The following DACH1 variants were observed in gnomAD, a reference collection of about 807,000 sequenced individuals.
The protein encoded by DACH1 is dachshund family transcription factor 1.
Under a neutral mutation model 54.2 loss-of-function variants are expected in DACH1, and 12 were observed. The observed-to-expected ratio is 0.22, with a 90% confidence interval of 0.14 to 0.36. DACH1 has a LOEUF of 0.36. DACH1 is among the 10% of genes least tolerant of loss of function. The pLI is 1.00. For missense variants in DACH1, 805 were observed against 929.8 expected (o/e 0.87, Z 1.75); for synonymous variants, 386 against 366.2 (o/e 1.05, Z -0.62).
chr13:71,809,077 T>G (rs1047471328), intron 1 of DACH1, among the ~76,000 whole-genome samples: 3 of 152,346 alleles, frequency 2.0e-5, no homozygotes, highest in African/African-American at 4.8e-5. Context: ...TGGATGATTG[T>G]TACATTTTTA....
At chr13:71,774,897 T>A (rs888535431) in intron 1 of DACH1, among the ~76,000 whole-genome samples, 2 of 152,218 alleles carry the variant, frequency 1.3e-5, no homozygotes, top group African/African-American at 4.8e-5. Flanking sequence ...AAGATCATTG[T>A]TCCTAGGTCT....
intron 6 of DACH1, among the ~76,000 whole-genome samples, chr13:71,535,430 TAA>T (rs1249738362): frequency 6.6e-6 from 1 of 151,936 alleles, no homozygotes; most frequent in African/African-American, 2.4e-5. Flanking sequence ...AACTCAAAAA[TAA>T]AGAGTGATTG....
chr13:71,488,921 A>G, intron 7 of DACH1, 76 bp downstream of exon 7: 1 of 1,373,394 alleles, frequency 7.3e-7, no homozygotes, highest in Non-Finnish European at 1.0e-6. Context: ...AAGTAGGAAC[A>G]GTATAAATTT....
rs200623926 is a variant in DACH1 at position 71,557,149 on chromosome 13, T to C, written c.1445A>G (p.Gln482Arg). Residue 482 changes from glutamine (Q) to arginine (R), a missense_variant, in exon 6 of 11, where the codon CAG becomes CGG. Gln to Arg is a conservative substitution (Grantham distance 43, BLOSUM62 1). Transcript: ENST00000613252. ...CATCTGGTTCATGGACAACCCATTC[T>C]GATGGACCGCTATTATGGCCCAAAA... ...ESSSDRIPVH[Q>R]NGLSMNQMLM... 2 of 1,605,666 alleles carry C rather than the reference T, an allele frequency of 1.2e-6. No individual in the cohort carries two copies. The highest frequency in any genetic ancestry group is 1.7e-6 in the Non-Finnish European group (2 of 1,177,122).
chr13:71,609,639 C>T (rs989545196), intron 3 of DACH1, among the ~76,000 whole-genome samples: 102 of 152,132 alleles, frequency 6.7e-4, no homozygotes, highest in African/African-American at 2.4e-3. Flanking sequence ...GATTCTCCTG[C>T]CTCAGCCTCC....
At chr13:71,442,965 T>C (rs952236781) in intron 10 of DACH1, among the ~76,000 whole-genome samples, 3 of 151,118 alleles carry the variant, frequency 2.0e-5, no homozygotes, top group South Asian at 4.2e-4. Context: ...TTAGTAAATA[T>C]GTGTTAAATA....
At chr13:71,700,061 T>C (rs1352805954) in intron 1 of DACH1, among the ~76,000 whole-genome samples, 1 of 152,170 alleles carries the variant, frequency 6.6e-6, no homozygotes, top group Admixed American at 6.5e-5. Flanking sequence ...TAATTCATTC[T>C]GAAAGTCTGT....
At chr13:71,765,487 G>A (rs908212881) in intron 1 of DACH1, among the ~76,000 whole-genome samples, 2 of 152,164 alleles carry the variant, frequency 1.3e-5, no homozygotes, top group Non-Finnish European at 2.9e-5. Flanking sequence ...GGATGCTAGA[G>A]TCTTACTTAT....
chr13:71,656,317 C>G (rs1239715500), intron 2 of DACH1, among the ~76,000 whole-genome samples: 5 of 152,258 alleles, frequency 3.3e-5, no homozygotes, highest in Admixed American at 6.5e-5. Context: ...AGTATCAGAT[C>G]AAGTAACTCT....
chr13:71,825,729 G>A (rs1888352902), intron 1 of DACH1, among the ~76,000 whole-genome samples: 1 of 151,950 alleles, frequency 6.6e-6, no homozygotes, highest in Non-Finnish European at 1.5e-5. Flanking sequence ...TTGTTATTTT[G>A]TTTGGGCTAT....
intron 1 of DACH1, among the ~76,000 whole-genome samples, chr13:71,700,274 C>T (rs1464213346): frequency 6.6e-6 from 1 of 152,066 alleles, no homozygotes. Flanking sequence ...AGAGAGCAAG[C>T]TGGCCAGGCA....
rs1429134775 is a variant in DACH1, at chr13:71,866,520, CTCCGCT to C, written c.244_249del (p.Ser82_Gly83del). 1 of 1,126,426 alleles carries C rather than the reference CTCCGCT, an allele frequency of 8.9e-7. No homozygotes were observed. The highest frequency in any genetic ancestry group is 2.4e-5 in the African/African-American group (1 of 41,974). The allele number at this position is 1,126,426 out of a possible 1,614,324, so 69.8% of individuals were successfully genotyped here. On this transcript the variant is annotated inframe_deletion, in exon 1 of 11. Coordinates refer to ENST00000613252, the MANE Select transcript of DACH1 (RefSeq NM_080759.6). The stretch of plus-strand genomic sequence containing the variant: ...CCGTTGCCGCTGCTGCCGCCGCCGC[CTCCGCT>C]GCCGCCGCCGCCGCCGCCGCCGCCG...
chr13:71,597,856 C>T (rs1375117368), intron 3 of DACH1, among the ~76,000 whole-genome samples: 1 of 152,100 alleles, frequency 6.6e-6, no homozygotes, highest in East Asian at 1.9e-4. Context: ...GTGGCACATG[C>T]CTGTAGTCCC....
chr13:71,650,751 TG>T (rs1878609437), intron 2 of DACH1, among the ~76,000 whole-genome samples: 1 of 152,172 alleles, frequency 6.6e-6, no homozygotes, highest in African/African-American at 2.4e-5. Flanking sequence ...CAACTACATA[TG>T]ATCTTTCAAC....
intron 1 of DACH1, among the ~76,000 whole-genome samples, chr13:71,744,931 G>T (rs1288518476): frequency 6.6e-6 from 1 of 152,108 alleles, no homozygotes; most frequent in East Asian, 1.9e-4. Flanking sequence ...TGGTTGAAAA[G>T]AATACTAGAT....
intron 5 of DACH1, among the ~76,000 whole-genome samples, chr13:71,557,735 A>G (rs1884340121): frequency 6.6e-6 from 1 of 151,926 alleles, no homozygotes; most frequent in Non-Finnish European, 1.5e-5. Context: ...AGGACACACT[A>G]TCACAGCTGT....
intron 3 of DACH1, among the ~76,000 whole-genome samples, chr13:71,628,709 A>G (rs1422309461): frequency 6.6e-6 from 1 of 152,146 alleles, no homozygotes; most frequent in African/African-American, 2.4e-5. Flanking sequence ...TACGTACCAA[A>G]ATAATTAAAG....
At chr13:71,477,465 G>T (rs188083130) in intron 8 of DACH1, among the ~76,000 whole-genome samples, 11 of 151,974 alleles carry the variant, frequency 7.2e-5, no homozygotes, top group African/African-American at 2.4e-4. Context: ...CATGTCAGGT[G>T]TATTGTTGCT....
chr13:71,484,456 A>G (rs1341123570), intron 7 of DACH1, among the ~76,000 whole-genome samples: 2 of 152,210 alleles, frequency 1.3e-5, no homozygotes, highest in East Asian at 3.9e-4. Flanking sequence ...TATGAGTCAC[A>G]GCACCCAGCC....
Sources: allele counts gnomAD v4.1 joint callset (sites outside exome capture counted in the v4.1 genomes callset), GRCh38; gene constraint gnomAD v4.1.1; transcripts MANE v1.5; gene names NCBI Gene and HGNC (gene_info 2026-07-23, HGNC 2026-07-21).